RARB: variants seen among roughly 807,000 people sequenced by gnomAD.
RARB encodes HBV-activated protein.
Under a neutral mutation model 51.9 loss-of-function variants are expected in RARB, and 17 were observed. The observed-to-expected ratio is 0.33, with a 90% CI of 0.22 to 0.49. The LOEUF (loss-of-function observed/expected upper bound fraction) is 0.49, where lower values mean the gene tolerates loss of function less well. Among genes scored for constraint, RARB ranks in the 20% least tolerant of loss-of-function variants. RARB has a pLI of 0.99. For missense variants in RARB, 369 were observed against 550.8 expected, an observed-to-expected ratio of 0.67 and a Z score of 3.30; for synonymous variants, 215 against 195.4, an observed-to-expected ratio of 1.10 and a Z score of -0.84.
At chr3:24,994,073 A>G (rs1343138911) in intron 2 of RARB, among the ~76,000 whole-genome samples, 1 of 151,852 alleles carries the variant, frequency 6.6e-6, no homozygotes, top group Admixed American at 6.6e-5. Flanking sequence ...TTATTGAGGA[A>G]CCTCCATATG....
chr3:25,354,220 C>G (rs1705662530), intron 5 of RARB, among the ~76,000 whole-genome samples: 1 of 152,114 alleles, frequency 6.6e-6, no homozygotes. Flanking sequence ...TATAATGTGA[C>G]TCATGGAACT....
intron 2 of RARB, among the ~76,000 whole-genome samples, chr3:25,018,200 A>G (rs1697556207): frequency 6.6e-6 from 1 of 152,216 alleles, no homozygotes; most frequent in Non-Finnish European, 1.5e-5. Context: ...ACAAACACAG[A>G]TGTGTTACAG....
At chr3:25,240,600 T>A (rs1204592000) in intron 5 of RARB, among the ~76,000 whole-genome samples, 1 of 152,210 alleles carries the variant, frequency 6.6e-6, no homozygotes, top group African/African-American at 2.4e-5. Flanking sequence ...ATACAGTTTT[T>A]GTCCTTCATT....
At chr3:25,264,294 T>C (rs1703075440) in intron 5 of RARB, among the ~76,000 whole-genome samples, 2 of 152,264 alleles carry the variant, frequency 1.3e-5, no homozygotes, top group Admixed American at 1.3e-4. Context: ...CAGTATGCCT[T>C]CAAGAACCCT....
chr3:25,554,125 G>A (rs76378902), intron 3 of RARB, among the ~76,000 whole-genome samples: 6,286 of 151,072 alleles, frequency 0.042, 164 homozygotes, highest in Non-Finnish European at 0.063. Flanking sequence ...GTTAGGGTGG[G>A]GGAGGGGATT....
chr3:25,269,642 G>A (rs986794999), intron 5 of RARB, among the ~76,000 whole-genome samples: 1 of 152,118 alleles, frequency 6.6e-6, no homozygotes, highest in Non-Finnish European at 1.5e-5. Context: ...AGATAAAATG[G>A]CAGTAGTAAT....
intron 2 of RARB, among the ~76,000 whole-genome samples, chr3:25,002,507 G>C (rs1295426072): frequency 6.6e-6 from 1 of 152,086 alleles, no homozygotes; most frequent in East Asian, 1.9e-4. Flanking sequence ...GGTTTAGAAT[G>C]CATCCAGTTT....
At chr3:24,920,900 A>G (rs1695203546) in intron 2 of RARB, among the ~76,000 whole-genome samples, 1 of 152,162 alleles carries the variant, frequency 6.6e-6, no homozygotes, top group Admixed American at 6.6e-5. Context: ...ATATGATTTG[A>G]GTGTCAAGTT....
intron 2 of RARB, among the ~76,000 whole-genome samples, chr3:24,980,824 TC>T: frequency 6.6e-6 from 1 of 152,314 alleles, no homozygotes; most frequent in Non-Finnish European, 1.5e-5. Flanking sequence ...GGAGTTGTGT[TC>T]CTTTGGAGGA....
At chr3:24,875,767 A>G (rs1041542150) in intron 2 of RARB, among the ~76,000 whole-genome samples, 11 of 152,138 alleles carry the variant, frequency 7.2e-5, no homozygotes, top group African/African-American at 2.4e-4. Context: ...TAACTAAATT[A>G]CAGACCTTAT....
chr3:25,051,988 A>T (rs1698342385), intron 2 of RARB, among the ~76,000 whole-genome samples: 1 of 152,200 alleles, frequency 6.6e-6, no homozygotes, highest in Non-Finnish European at 1.5e-5. Flanking sequence ...TGCTACAGGC[A>T]CAGTATAAGA....
intron 5 of RARB, among the ~76,000 whole-genome samples, chr3:25,334,032 G>A (rs181006981): frequency 1.1e-4 from 17 of 152,308 alleles, no homozygotes; most frequent in Non-Finnish European, 1.8e-4. Context: ...GGAACAACAG[G>A]TGCTGGAGAG....
chr3:25,371,759 G>C (rs570060165), intron 5 of RARB, among the ~76,000 whole-genome samples: 4 of 152,204 alleles, frequency 2.6e-5, no homozygotes, highest in Non-Finnish European at 5.9e-5. Context: ...AAAATATTTA[G>C]AGAGCATTTA....
At chr3:24,849,809 T>C (rs1702534170) in intron 1 of RARB, among the ~76,000 whole-genome samples, 1 of 152,200 alleles carries the variant, frequency 6.6e-6, no homozygotes, top group Non-Finnish European at 1.5e-5. Context: ...CAGGTGGAAA[T>C]TCTGTGGTTT....
chr3:25,103,242 A>G (rs1025833759), intron 3 of RARB, among the ~76,000 whole-genome samples: 3 of 152,146 alleles, frequency 2.0e-5, no homozygotes, highest in South Asian at 2.1e-4. Flanking sequence ...TGGTCATGAA[A>G]CAATTTGAGG....
intron 3 of RARB, among the ~76,000 whole-genome samples, chr3:25,559,923 A>C (rs183766864): frequency 6.6e-6 from 1 of 152,208 alleles, no homozygotes; most frequent in Non-Finnish European, 1.5e-5. Context: ...TAAACAGGCA[A>C]TTCTTTCTTG....
chr3:25,132,572 T>A (rs7643392), intron 4 of RARB, among the ~76,000 whole-genome samples: 86,609 of 151,076 alleles, frequency 0.57, 25,043 homozygotes, highest in East Asian at 0.7. Flanking sequence ...ACGTTATGCT[T>A]GGCACTTTTA....
rs66976672 is a variant in RARB, at chr3:24,877,346, C to CTTTTTTTTTTTTTTTTTTTTTTT, written c.-380+18611_-380+18612insTTTTTTTTTTTTTTTTTTTTTTT. ...ATAGTAATTTTTTAAAGCAATCTTACTTTTTTTTTTTTTTTTTGGAAAATT... is the reference window on the plus strand; with the variant it reads ...ATAGTAATTTTTTAAAGCAATCTTACTTTTTTTTTTTTTTTTTTTTTTTTTTTTTTTTTTTTTTTTGGAAAATT... On this transcript the variant is annotated intron_variant, in intron 2 of 11. Coordinates refer to the RARB transcript ENST00000383772. Among the ~76,000 whole-genome samples the CTTTTTTTTTTTTTTTTTTTTTTT allele has an allele frequency of 1.9e-3, 155 of 81,894 alleles. 22 individuals are homozygous for CTTTTTTTTTTTTTTTTTTTTTTT. Among genetic ancestry groups the CTTTTTTTTTTTTTTTTTTTTTTT allele is most frequent in the East Asian group, 8.1e-3 (20 of 2,456 alleles). 53.7% of individuals were successfully genotyped at this position (81,894 alleles called of 152,430 possible).
intron 3 of RARB, among the ~76,000 whole-genome samples, chr3:25,073,040 A>G (rs1015107101): frequency 6.6e-6 from 1 of 152,038 alleles, no homozygotes; most frequent in South Asian, 2.1e-4. Flanking sequence ...CTGCCATTTG[A>G]ATATTGTCAT....
Sources: gnomAD v4.1 joint callset for allele counts (sites outside exome capture counted in the v4.1 genomes callset) on GRCh38, gnomAD v4.1.1 for gene constraint, MANE v1.5 for transcripts, NCBI Gene and HGNC (gene_info 2026-07-23, HGNC 2026-07-21) for gene names.